RAI14: variants seen among roughly 807,000 people sequenced by gnomAD.
The protein encoded by RAI14 is retinoic acid induced 14.
In RAI14, 45 loss-of-function variants were observed where a neutral mutation model predicts 115.4. The ratio of observed to expected loss-of-function variants is 0.39; its 90% CI spans 0.31 to 0.50. The LOEUF (loss-of-function observed/expected upper bound fraction) is 0.50, where lower values mean the gene tolerates loss of function less well. Among genes scored for constraint, RAI14 ranks in the 20% least tolerant of loss-of-function variants. The pLI, the probability that RAI14 is intolerant of heterozygous loss-of-function variation, is 0.85. For missense variants in RAI14, 939 were observed against 1,131.2 expected (o/e 0.83, Z 2.44); for synonymous variants, 371 against 415.4 (o/e 0.89, Z 1.30).
chr5:34,699,108 G>A (rs1467486594), intron 2 of RAI14, among the ~76,000 whole-genome samples: 4 of 152,270 alleles, frequency 2.6e-5, no homozygotes, highest in Non-Finnish European at 4.4e-5. Flanking sequence ...AACATGAAAG[G>A]TGAGATCTCT....
intron 1 of RAI14, among the ~76,000 whole-genome samples, chr5:34,680,723 A>C (rs1036039191): frequency 3.3e-5 from 5 of 152,152 alleles, no homozygotes; most frequent in African/African-American, 4.8e-5. Context: ...TGTTTCCTTT[A>C]AGTTCAGTTA....
chr5:34,811,049 G>T lies in RAI14; in HGVS notation c.488G>T (p.Gly163Val), dbSNP rs201690047. ...CCGCTGCTTCTTGCTGTACAAAATG[G>T]TCACAGTGAGATCTGTCACTTTCTC... ...NIPLLLAVQN[G>V]HSEICHFLLD... The change falls in exon 8 of 18, where the codon GGT (glycine) becomes GTT (valine). Residue 163 changes from glycine (G) to valine (V), a missense_variant. Gly to Val is a moderately radical substitution (Grantham distance 109). Transcript: ENST00000265109. 1.7e-5 allele frequency: 28 copies of T among 1,614,058 alleles called. No individual in the cohort carries two copies. In the East Asian group the frequency reaches 5.3e-4, roughly 31 times the overall value.
intron 3 of RAI14, among the ~76,000 whole-genome samples, chr5:34,771,927 G>T (rs1470957977): frequency 6.6e-6 from 1 of 152,056 alleles, no homozygotes; most frequent in Non-Finnish European, 1.5e-5. Flanking sequence ...TTGGGACAGG[G>T]TCTTGCTCTG....
rs565678892 is a variant in RAI14, at chr5:34,787,256, T to G, written c.168-8683T>G. Reference sequence around the variant, plus strand: ...ATGACTCAGCAATTCTGCTCCTCAGTATGTACCCATTAGTATTAAAAAATG... The same window carrying G: ...ATGACTCAGCAATTCTGCTCCTCAGGATGTACCCATTAGTATTAAAAAATG... On this transcript the variant is annotated intron_variant, in intron 3 of 17. Transcript: ENST00000265109. Among the ~76,000 whole-genome samples, 3 of 152,344 alleles carry G rather than the reference T, an allele frequency of 2.0e-5. No homozygotes were observed. The East Asian group carries it at 5.8e-4, about 29-fold the overall frequency.
chr5:34,687,765 G>T, intron 2 of RAI14: 2 of 1,540,548 alleles, frequency 1.3e-6, no homozygotes, highest in Non-Finnish European at 8.8e-7. Context: ...ATCATTTCAG[G>T]CGAGGTAATT....
At chr5:34,768,434 CTCG>C (rs1001490889) in intron 3 of RAI14, among the ~76,000 whole-genome samples, 2 of 152,184 alleles carry the variant, frequency 1.3e-5, no homozygotes, top group African/African-American at 4.8e-5. Context: ...ACTTAGAGAT[CTCG>C]TCAATTTCCA....
chr5:34,761,786 A>G lies in RAI14; in HGVS notation c.167+4188A>G, dbSNP rs1429425444. 2.6e-5 allele frequency among the ~76,000 whole-genome samples: 4 copies of G among 151,940 alleles called. No individual in the cohort carries two copies. In the East Asian group the frequency reaches 7.7e-4, roughly 29 times the overall value. ...GAAATCTTGATTTAGAACCCATTAT[A>G]TTCGATTATTTTATTCTATTTATTT... On this transcript the variant is annotated intron_variant, in intron 3 of 17. Coordinates refer to ENST00000265109, the MANE Select transcript of RAI14 (RefSeq NM_015577.3).
rs112936408 is a variant in RAI14, at chr5:34,686,929, T to C, written c.10T>C (p.Leu4=). MKS[L]KAKFRKSDTN... is the part of the protein sequence containing the mutation. Reference sequence around the variant, plus strand: ...GCTGAATGCACTAAACATGAAGAGCTTGAAAGCGAAGTTCAGGAAGAGTGA... The same window carrying C: ...GCTGAATGCACTAAACATGAAGAGCCTGAAAGCGAAGTTCAGGAAGAGTGA... Residue 4 remains leucine (L), a synonymous_variant, in exon 2 of 18, where the codon TTG becomes CTG. Coordinates refer to ENST00000265109, the MANE Select transcript of RAI14 (RefSeq NM_015577.3). The C allele has an allele frequency of 5.1e-5, 82 of 1,613,820 alleles. No homozygotes were observed. In the South Asian group the frequency reaches 5.3e-4, roughly 10 times the overall value.
intron 1 of RAI14, among the ~76,000 whole-genome samples, chr5:34,685,408 A>C (rs1744756242): frequency 6.6e-6 from 1 of 152,160 alleles, no homozygotes; most frequent in African/African-American, 2.4e-5. Context: ...GCTAAGTTAT[A>C]AGGATGCAAA....
At chr5:34,826,988 ATTAT>A (rs1301213456) in intron 16 of RAI14, among the ~76,000 whole-genome samples, 7 of 152,198 alleles carry the variant, frequency 4.6e-5, no homozygotes, top group Admixed American at 2.0e-4. Context: ...ACATGAGTGT[ATTAT>A]TTTACAGTTG....
intron 17 of RAI14, among the ~76,000 whole-genome samples, chr5:34,829,998 T>A (rs1167908284): frequency 6.6e-6 from 1 of 152,154 alleles, no homozygotes; most frequent in African/African-American, 2.4e-5. Flanking sequence ...AACAGCCCCA[T>A]CTTTTAAAGC....
intron 14 of RAI14, among the ~76,000 whole-genome samples, chr5:34,822,616 T>G (rs1756978850): frequency 6.7e-6 from 1 of 149,032 alleles, no homozygotes; most frequent in Non-Finnish European, 1.5e-5. Flanking sequence ...GTTGCGGATT[T>G]ACTCCTCTCA....
intron 2 of RAI14, among the ~76,000 whole-genome samples, chr5:34,745,693 G>A (rs1350529928): frequency 6.6e-6 from 1 of 152,164 alleles, no homozygotes; most frequent in East Asian, 1.9e-4. Flanking sequence ...AAAATCATGT[G>A]ACCTTACCAA....
intron 1 of RAI14, among the ~76,000 whole-genome samples, chr5:34,666,991 C>A (rs890045931): frequency 6.6e-6 from 1 of 151,972 alleles, no homozygotes; most frequent in Non-Finnish European, 1.5e-5. Flanking sequence ...AATGGGGTGG[C>A]GGTGGTGGGA....
intron 1 of RAI14, among the ~76,000 whole-genome samples, chr5:34,675,025 T>C (rs256293): frequency 0.67 from 101,758 of 151,662 alleles, 36,030 homozygotes; most frequent in South Asian, 0.91. Flanking sequence ...GCTTCCCAAG[T>C]AGCTGGGACT....
intron 3 of RAI14, among the ~76,000 whole-genome samples, chr5:34,776,681 T>C (rs1221067780): frequency 6.6e-6 from 1 of 151,502 alleles, no homozygotes; most frequent in Non-Finnish European, 1.5e-5. Context: ...GTAGTGTGTA[T>C]CTGTAGTTGC....
At chr5:34,819,634 A>G (rs868723480) in intron 13 of RAI14, among the ~76,000 whole-genome samples, 9 of 152,354 alleles carry the variant, frequency 5.9e-5, no homozygotes, top group Middle Eastern at 3.4e-3. Context: ...TACCTTCAGA[A>G]TCCATTTAAA....
intron 1 of RAI14, among the ~76,000 whole-genome samples, chr5:34,679,156 C>T (rs1339259506): frequency 6.6e-6 from 1 of 152,196 alleles, no homozygotes; most frequent in Non-Finnish European, 1.5e-5. Context: ...GCATAGCTCT[C>T]TCTAAAGGAA....
chr5:34,669,377 C>G (rs1334262275), intron 1 of RAI14, among the ~76,000 whole-genome samples: 4 of 152,200 alleles, frequency 2.6e-5, no homozygotes, highest in African/African-American at 9.6e-5. Flanking sequence ...GGCTTTCTTT[C>G]TGTCTCTTGT....
Sources: gnomAD v4.1 joint callset for allele counts (sites outside exome capture counted in the v4.1 genomes callset) on GRCh38, gnomAD v4.1.1 for gene constraint, MANE v1.5 for transcripts, NCBI Gene and HGNC (gene_info 2026-07-23, HGNC 2026-07-21) for gene names.